The following ZNF736 variants were observed in gnomAD, a reference collection of about 807,000 sequenced individuals.
ZNF736 encodes the protein zinc finger protein 736, also known as KRAB-containing zinc-finger repressor protein.
In ZNF736, 6 loss-of-function variants were observed where a neutral mutation model predicts 11.7. That is an observed-to-expected ratio of 0.51 (90% CI 0.28 to 1.01). The LOEUF is 1.01. Among genes scored for constraint, ZNF736 ranks in the 50% least tolerant of loss-of-function variants. ZNF736 has a pLI of 0.09. For synonymous variants in ZNF736, 139 were observed against 164.7 expected (o/e 0.84, Z 1.19); for missense variants, 444 against 496.0 (o/e 0.90, Z 1.00).
chr7:64,331,959 T>C (rs1789173765), intron 1 of ZNF736, among the ~76,000 whole-genome samples: 1 of 152,214 alleles, frequency 6.6e-6, no homozygotes, highest in African/African-American at 2.4e-5. Context: ...AGGCAGTCTT[T>C]ATCTGCAATT....
chr7:64,356,000 A>C lies in ZNF736; in HGVS notation c.*6853A>C, dbSNP rs1011159351. 1 of 183,034 alleles carries C rather than the reference A, an allele frequency of 5.5e-6. No homozygotes were observed. The highest frequency in any genetic ancestry group is 1.2e-5 in the Non-Finnish European group (1 of 82,118). 11.3% of individuals were successfully genotyped at this position (183,034 alleles called of 1,614,324 possible). On this transcript the variant is annotated 3_prime_UTR_variant, in exon 4 of 4. Coordinates refer to ENST00000423484, the MANE Select transcript of ZNF736 (RefSeq NM_001170905.3). Reference sequence around the variant, plus strand: ...TTATGCTGCATCAGGTCCTAAGAAAACCCACCTTCTGCCAGTAGTAAAATC... The same window carrying C: ...TTATGCTGCATCAGGTCCTAAGAAACCCCACCTTCTGCCAGTAGTAAAATC...
At chr7:64,323,055 G>A (rs1358271884) in intron 1 of ZNF736, among the ~76,000 whole-genome samples, 29 of 151,728 alleles carry the variant, frequency 1.9e-4, no homozygotes, top group Admixed American at 1.9e-3. Flanking sequence ...TCCTTATCTT[G>A]CCTGGTGCAA....
chr7:64,336,305 A>G lies in ZNF736; in HGVS notation c.50A>G (p.Glu17Gly). 6.2e-7 allele frequency: 1 copy of G among 1,613,544 alleles called. No individual in the cohort carries two copies. The highest frequency in any genetic ancestry group is 8.5e-7 in the Non-Finnish European group (1 of 1,179,742). ...RDVAVEFSPE[E>G]WECLDSAQQR... is the part of the protein sequence containing the mutation. ...GTGGCTGTAGAATTCTCCCCAGAAG[A>G]GTGGGAATGCCTGGACTCTGCTCAG... Residue 17 changes from glutamate to glycine, a missense_variant, in exon 2 of 4, where the codon GAG (glutamate) becomes GGG (glycine). Transcript: ENST00000423484.
Position 64,320,266 on chromosome 7 carries a change from C to T in ZNF736, c.3+6113C>T, listed in dbSNP as rs545452385. Reference sequence around the variant, plus strand: ...TTTCAGGCCACATTTTTTAGTATCTCAGCTTCTCAGTTTACCATCTACCCA... The same window carrying T: ...TTTCAGGCCACATTTTTTAGTATCTTAGCTTCTCAGTTTACCATCTACCCA... On this transcript the variant is annotated intron_variant, in intron 1 of 3. Transcript: ENST00000423484. Among the ~76,000 whole-genome samples the T allele has an allele frequency of 1.8e-3, 268 of 152,284 alleles. 1 individual carries two copies. The highest frequency in any genetic ancestry group is 6.1e-3 in the African/African-American group (255 of 41,552).
Position 64,345,052 on chromosome 7 carries a change from C to A in ZNF736, c.227-3038C>A, listed in dbSNP as rs1459516752. 3.5e-5 allele frequency among the ~76,000 whole-genome samples: 5 copies of A among 143,264 alleles called. No homozygotes were observed. In the East Asian group the frequency reaches 1.0e-3, roughly 30 times the overall value. 94.0% of individuals were successfully genotyped at this position (143,264 alleles called of 152,430 possible). A position where few individuals can be genotyped will look rare whatever the true frequency, so the allele number is the denominator to read the frequency against. On this transcript the variant is annotated intron_variant, in intron 3 of 3. Transcript: ENST00000423484. ...TATTTATTTATTTTTGAGATGGAGTCTCGCTCTGTCACCCAGGCTGGAGTG... is the reference window on the plus strand; with the variant it reads ...TATTTATTTATTTTTGAGATGGAGTATCGCTCTGTCACCCAGGCTGGAGTG...
chr7:64,334,936 C>A (rs1459737940), intron 1 of ZNF736, among the ~76,000 whole-genome samples: 1 of 152,182 alleles, frequency 6.6e-6, no homozygotes, highest in Non-Finnish European at 1.5e-5. Context: ...CACATATACA[C>A]CATGGAATAC....
At chr7:64,344,263 C>T (rs1195393812) in intron 3 of ZNF736, among the ~76,000 whole-genome samples, 3 of 152,164 alleles carry the variant, frequency 2.0e-5, no homozygotes, top group Non-Finnish European at 4.4e-5. Context: ...GACGGCACCA[C>T]TGCACTCCAG....
intron 3 of ZNF736, among the ~76,000 whole-genome samples, chr7:64,337,632 C>T (rs1789272493): frequency 6.6e-6 from 1 of 152,046 alleles, no homozygotes; most frequent in African/African-American, 2.4e-5. Context: ...TGGCCAAATT[C>T]CTCAACTGTA....
intron 3 of ZNF736, among the ~76,000 whole-genome samples, chr7:64,344,860 G>A (rs1789386202): frequency 1.3e-5 from 2 of 151,688 alleles, no homozygotes; most frequent in African/African-American, 4.8e-5. Context: ...TGCTTTGATT[G>A]ATGTAGTTTT....
chr7:64,317,567 G>A (rs1424996671), intron 1 of ZNF736, among the ~76,000 whole-genome samples: 1 of 152,022 alleles, frequency 6.6e-6, no homozygotes, highest in Non-Finnish European at 1.5e-5. Flanking sequence ...AGTGGCACAG[G>A]TACTGGCCAA....
intron 2 of ZNF736, among the ~76,000 whole-genome samples, 196 bp from the exon 3 acceptor site, chr7:64,336,691 A>G (rs182192462): frequency 1.3e-5 from 2 of 152,344 alleles, no homozygotes; most frequent in Admixed American, 6.5e-5. Context: ...TTGATTCAGT[A>G]TTACTGGGTA....
intron 1 of ZNF736, among the ~76,000 whole-genome samples, chr7:64,320,849 T>C (rs1234292804): frequency 3.3e-5 from 5 of 152,216 alleles, no homozygotes; most frequent in Non-Finnish European, 7.3e-5. Flanking sequence ...AATATATTAA[T>C]TTAGAAATGT....
At position 64,349,154 on chromosome 7, in the gene ZNF736, G is replaced by A; in HGVS notation, c.*7G>A. ...GAAGCTCCACAAGTGTTAAAAATGTGGAAAAGCCTTTACCAAGTCCTCATA... is the reference window on the plus strand; with the variant it reads ...GAAGCTCCACAAGTGTTAAAAATGTAGAAAAGCCTTTACCAAGTCCTCATA... On this transcript the variant is annotated 3_prime_UTR_variant, in exon 4 of 4. Coordinates refer to ENST00000423484, the MANE Select transcript of ZNF736 (RefSeq NM_001170905.3). 1 of 1,510,878 alleles carries A rather than the reference G, an allele frequency of 6.6e-7. No homozygotes were observed. The allele number at this position is 1,510,878 out of a possible 1,614,324, so 93.6% of individuals were successfully genotyped here.
chr7:64,339,582 A>G, intron 3 of ZNF736, among the ~76,000 whole-genome samples: 1 of 152,186 alleles, frequency 6.6e-6, no homozygotes, highest in Non-Finnish European at 1.5e-5. Context: ...AGTGTCAAAG[A>G]TGAGTTGATC....
At chr7:64,325,285 TA>T (rs1224542382) in intron 1 of ZNF736, among the ~76,000 whole-genome samples, 1 of 152,224 alleles carries the variant, frequency 6.6e-6, no homozygotes, top group African/African-American at 2.4e-5. Flanking sequence ...CCTGTAGAAA[TA>T]AGAACTTAAC....
chr7:64,315,732 G>C (rs1562665512), intron 1 of ZNF736, among the ~76,000 whole-genome samples: 1 of 152,002 alleles, frequency 6.6e-6, no homozygotes, highest in Non-Finnish European at 1.5e-5. Context: ...ATCTAAAACT[G>C]TTCTCCCAGC....
At chr7:64,324,135 T>G (rs1789045399) in intron 1 of ZNF736, among the ~76,000 whole-genome samples, 1 of 152,222 alleles carries the variant, frequency 6.6e-6, no homozygotes, top group Non-Finnish European at 1.5e-5. Flanking sequence ...TTGTTTTTGA[T>G]TTGTTCATTT....
At chr7:64,324,198 C>T (rs1453551778) in intron 1 of ZNF736, among the ~76,000 whole-genome samples, 5 of 152,294 alleles carry the variant, frequency 3.3e-5, no homozygotes, top group Non-Finnish European at 7.3e-5. Flanking sequence ...AATAACTTCT[C>T]ACAATATGCC....
rs201974875 is a variant in ZNF736 at position 64,345,783 on chromosome 7, A to G, written c.227-2307A>G. 2.1e-5 allele frequency among the ~76,000 whole-genome samples: 3 copies of G among 144,838 alleles called. No homozygotes were observed. The East Asian group carries it at 6.1e-4, about 29-fold the overall frequency. On this transcript the variant is annotated intron_variant, in intron 3 of 3. Coordinates refer to ENST00000423484, the MANE Select transcript of ZNF736 (RefSeq NM_001170905.3). ...GTTGTTTAATTTTTATGTTTTTTGA[A>G]TTTTTCAGCTTTTCTTCTGTTACTG...
Sources: allele counts gnomAD v4.1 joint callset (sites outside exome capture counted in the v4.1 genomes callset), GRCh38; gene constraint gnomAD v4.1.1; transcripts MANE v1.5; gene names NCBI Gene and HGNC (gene_info 2026-07-23, HGNC 2026-07-21).